FHIT: variants seen among roughly 807,000 people sequenced by gnomAD.
The protein encoded by FHIT is fragile histidine triad diadenosine triphosphatase, also known as bis(5'-adenosyl)-triphosphatase.
In FHIT, 19 loss-of-function variants were observed where a neutral mutation model predicts 17.9. The ratio of observed to expected loss-of-function variants is 1.06; its 90% CI spans 0.74 to 1.56. FHIT has a LOEUF of 1.56. Ranked by LOEUF, FHIT falls within the 40% of genes most tolerant of loss-of-function variation. FHIT has a pLI of 0.00. For missense variants in FHIT, 248 were observed against 189.2 expected (o/e 1.31, Z -1.82); for synonymous variants, 81 against 69.7 (o/e 1.16, Z -0.81).
intron 2 of FHIT, among the ~76,000 whole-genome samples, chr3:61,190,752 T>TA (rs1376344986): frequency 6.6e-6 from 1 of 151,986 alleles, no homozygotes; most frequent in Non-Finnish European, 1.5e-5. Flanking sequence ...TATGCAGCCA[T>TA]AAAAAATGAT....
intron 5 of FHIT, among the ~76,000 whole-genome samples, chr3:60,381,530 CA>C (rs200332079): frequency 1.4e-4 from 21 of 150,700 alleles, no homozygotes; most frequent in South Asian, 1.1e-3. Flanking sequence ...CATAAAACAA[CA>C]AAAAAAAGCA....
intron 5 of FHIT, among the ~76,000 whole-genome samples, chr3:60,147,517 C>T (rs1006133640): frequency 2.6e-5 from 4 of 152,168 alleles, no homozygotes; most frequent in African/African-American, 9.7e-5. Context: ...GGTGAAAGTT[C>T]AACATGCGAC....
intron 5 of FHIT, among the ~76,000 whole-genome samples, chr3:60,379,906 G>A (rs1218325350): frequency 2.0e-5 from 3 of 152,020 alleles, no homozygotes; most frequent in Non-Finnish European, 4.4e-5. Context: ...GTATCTCTAG[G>A]GCTTCTGTGT....
intron 2 of FHIT, among the ~76,000 whole-genome samples, chr3:61,063,399 T>G (rs1444028533): frequency 6.6e-6 from 1 of 152,130 alleles, no homozygotes; most frequent in Non-Finnish European, 1.5e-5. Context: ...CTCAAACCAC[T>G]TATGTATTAT....
chr3:60,472,945 A>G (rs779842253), intron 5 of FHIT, among the ~76,000 whole-genome samples: 1 of 152,102 alleles, frequency 6.6e-6, no homozygotes, highest in Admixed American at 6.6e-5. Flanking sequence ...ACAACCTGAC[A>G]TTTATCTCCT....
intron 2 of FHIT, among the ~76,000 whole-genome samples, chr3:61,118,527 T>C (rs1489406920): frequency 6.6e-6 from 1 of 152,220 alleles, no homozygotes; most frequent in Non-Finnish European, 1.5e-5. Context: ...AACTGGTTTG[T>C]ATTTCCATTT....
At chr3:59,789,138 T>C (rs1268736387) in intron 8 of FHIT, among the ~76,000 whole-genome samples, 1 of 152,198 alleles carries the variant, frequency 6.6e-6, no homozygotes, top group African/African-American at 2.4e-5. Flanking sequence ...TATCATTTTG[T>C]AATAGTGCTG....
intron 4 of FHIT, among the ~76,000 whole-genome samples, chr3:60,623,975 C>A (rs1246302282): frequency 6.6e-6 from 1 of 152,154 alleles, no homozygotes; most frequent in South Asian, 2.1e-4. Context: ...AAAAATTCTA[C>A]AATACATGAA....
At chr3:60,538,269 A>G (rs1208002844) in intron 4 of FHIT, among the ~76,000 whole-genome samples, 1 of 152,232 alleles carries the variant, frequency 6.6e-6, no homozygotes, top group Non-Finnish European at 1.5e-5. Context: ...ACTACAAACC[A>G]CTGCTCAACG....
At chr3:60,453,247 C>T (rs1288302212) in intron 5 of FHIT, among the ~76,000 whole-genome samples, 1 of 151,442 alleles carries the variant, frequency 6.6e-6, no homozygotes, top group Non-Finnish European at 1.5e-5. Context: ...CACCTGAATG[C>T]TTCTAACTTG....
At chr3:60,552,717 A>G (rs1294547145) in intron 4 of FHIT, among the ~76,000 whole-genome samples, 1 of 152,178 alleles carries the variant, frequency 6.6e-6, no homozygotes, top group Non-Finnish European at 1.5e-5. Context: ...AGCTCTTTAG[A>G]CATGTTACTT....
intron 5 of FHIT, among the ~76,000 whole-genome samples, chr3:60,381,033 T>C (rs1465177626): frequency 1.3e-5 from 2 of 152,200 alleles, no homozygotes; most frequent in African/African-American, 4.8e-5. Flanking sequence ...AACTCCATGA[T>C]TTTTAACATA....
intron 5 of FHIT, among the ~76,000 whole-genome samples, chr3:60,296,080 C>A (rs151319423): frequency 6.6e-6 from 1 of 152,232 alleles, no homozygotes; most frequent in East Asian, 1.9e-4. Flanking sequence ...GTAAGATGTG[C>A]CTTTCACCTT....
At chr3:60,932,201 A>G (rs1173122008) in intron 3 of FHIT, among the ~76,000 whole-genome samples, 1 of 152,224 alleles carries the variant, frequency 6.6e-6, no homozygotes, top group Admixed American at 6.5e-5. Context: ...TCACGATCAC[A>G]TTCTGAGGTA....
At position 60,173,915 on chromosome 3, in the gene FHIT, A is replaced by ATATAT; in HGVS notation, c.104-159764_104-159763insATATA. ...TATATATATATATATATATATATAT[A>ATATAT]TGTTTTTTTTTTTTTTTGAGATCGA... On this transcript the variant is annotated intron_variant, in intron 5 of 9. Coordinates refer to ENST00000492590, the MANE Select transcript of FHIT (RefSeq NM_002012.4). Among the ~76,000 whole-genome samples the ATATAT allele has an allele frequency of 1.8e-4, 12 of 66,442 alleles. 1 individual carries two copies. The highest frequency in any genetic ancestry group is 3.0e-4 in the Non-Finnish European group (11 of 36,122). 43.6% of individuals were successfully genotyped at this position (66,442 alleles called of 152,430 possible). A position where few individuals can be genotyped will look rare whatever the true frequency, so the allele number is the denominator to read the frequency against.
At chr3:60,407,218 G>C (rs148748624) in intron 5 of FHIT, among the ~76,000 whole-genome samples, 110 of 151,812 alleles carry the variant, frequency 7.2e-4, no homozygotes, top group African/African-American at 2.5e-3. Flanking sequence ...TGATATTTCT[G>C]TTTCTCTTTT....
chr3:60,320,397 A>T (rs1307994578), intron 5 of FHIT, among the ~76,000 whole-genome samples: 1 of 152,226 alleles, frequency 6.6e-6, no homozygotes, highest in Non-Finnish European at 1.5e-5. Flanking sequence ...TAAACCAAAA[A>T]GAAGCAATAG....
At chr3:60,887,075 A>T (rs1705259464) in intron 3 of FHIT, among the ~76,000 whole-genome samples, 1 of 152,210 alleles carries the variant, frequency 6.6e-6, no homozygotes. Flanking sequence ...TTTTTCTTAC[A>T]GTTAGGAAAA....
At chr3:60,204,430 C>A (rs1703063360) in intron 5 of FHIT, among the ~76,000 whole-genome samples, 2 of 139,670 alleles carry the variant, frequency 1.4e-5, no homozygotes, top group Middle Eastern at 3.7e-3. Flanking sequence ...TCACCATGCC[C>A]AGCTAATATT....
Sources: allele counts gnomAD v4.1 joint callset (sites outside exome capture counted in the v4.1 genomes callset), GRCh38; gene constraint gnomAD v4.1.1; transcripts MANE v1.5; gene names NCBI Gene and HGNC (gene_info 2026-07-23, HGNC 2026-07-21).